GRIK3: variants seen among roughly 807,000 people sequenced by gnomAD.
The protein encoded by GRIK3 is glutamate ionotropic receptor kainate type subunit 3.
A neutral mutation model predicts 102.5 loss-of-function variants in GRIK3; 29 were observed. The observed-to-expected ratio is 0.28, with a 90% CI of 0.21 to 0.39. GRIK3 has a LOEUF of 0.39. Ranked by LOEUF, GRIK3 falls within the 10% of genes least tolerant of loss-of-function variation. GRIK3 has a pLI of 1.00. For missense variants in GRIK3, 908 were observed against 1,252.4 expected (o/e 0.73, Z 4.15); for synonymous variants, 511 against 504.9 (o/e 1.01, Z -0.16).
At chr1:36,922,512 C>T (rs1002261583) in intron 1 of GRIK3, among the ~76,000 whole-genome samples, 2 of 152,204 alleles carry the variant, frequency 1.3e-5, no homozygotes, top group African/African-American at 4.8e-5. Flanking sequence ...GCCACCCTTC[C>T]CCTCAGGACT....
At position 37,021,531 on chromosome 1, in the gene GRIK3, A is replaced by C. The variant is rs550142185; in HGVS notation, c.115+12463T>G. Among the ~76,000 whole-genome samples the C allele has an allele frequency of 2.6e-5, 4 of 152,340 alleles. No homozygotes were observed. In the South Asian group the frequency reaches 8.3e-4, roughly 32 times the overall value. On this transcript the variant is annotated intron_variant, in intron 1 of 15. Coordinates refer to ENST00000373091, the MANE Select transcript of GRIK3 (RefSeq NM_000831.4). ...AACTCTCCCCCAGCCCACAGTCCCC[A>C]TAGACCAGCCATAATTCAGCTAAAC...
intron 3 of GRIK3, among the ~76,000 whole-genome samples, chr1:36,878,718 C>T (rs1439438369): frequency 5.9e-5 from 9 of 152,214 alleles, no homozygotes; most frequent in Admixed American, 2.0e-4. Context: ...CTCAAACAGG[C>T]CTGTAGGTGC....
At chr1:36,919,422 C>T (rs920266782) in intron 1 of GRIK3, among the ~76,000 whole-genome samples, 3 of 150,694 alleles carry the variant, frequency 2.0e-5, no homozygotes, top group Non-Finnish European at 4.4e-5. Flanking sequence ...GCACAATGTG[C>T]AGGTTAGTTA....
chr1:37,011,502 A>G (rs1642595613), intron 1 of GRIK3, among the ~76,000 whole-genome samples: 1 of 152,208 alleles, frequency 6.6e-6, no homozygotes, highest in Non-Finnish European at 1.5e-5. Flanking sequence ...GAGAAACTCA[A>G]GCACAGAGAG....
chr1:36,953,598 T>C (rs1641869862), intron 1 of GRIK3, among the ~76,000 whole-genome samples: 1 of 151,896 alleles, frequency 6.6e-6, no homozygotes, highest in Non-Finnish European at 1.5e-5. Flanking sequence ...GGCTTGGGTA[T>C]GCTTAGGTGG....
At chr1:36,810,401 C>T (rs959733108) in intron 13 of GRIK3, among the ~76,000 whole-genome samples, 9 of 152,226 alleles carry the variant, frequency 5.9e-5, no homozygotes, top group African/African-American at 1.7e-4. Context: ...ACAACCAATA[C>T]ACGGCGGTGT....
In GRIK3 at chr1:36,898,471, C is replaced by A. The variant is rs76697975; in HGVS notation, c.116-7375G>T. Among the ~76,000 whole-genome samples the A allele has an allele frequency of 8.2e-3, 1,245 of 151,818 alleles. 13 individuals are homozygous for A. Among genetic ancestry groups the A allele is most frequent in the African/African-American group, 0.028 (1,161 of 41,400 alleles). On this transcript the variant is annotated intron_variant, in intron 1 of 15. Coordinates refer to ENST00000373091, the MANE Select transcript of GRIK3 (RefSeq NM_000831.4). ...ATAAATATATACATCTATTATGTAC[C>A]CACAAAAAATAAAATTTAAAATGTA...
chr1:37,014,633 G>A (rs1642632780), intron 1 of GRIK3, among the ~76,000 whole-genome samples: 1 of 152,200 alleles, frequency 6.6e-6, no homozygotes, highest in East Asian at 1.9e-4. Context: ...TCCAATAGAA[G>A]ATAAACCACA....
At chr1:36,955,734 A>G (rs1167606531) in intron 1 of GRIK3, among the ~76,000 whole-genome samples, 1 of 152,212 alleles carries the variant, frequency 6.6e-6, no homozygotes, top group Non-Finnish European at 1.5e-5. Flanking sequence ...CAAAGACACA[A>G]CCAGCACACC....
intron 1 of GRIK3, among the ~76,000 whole-genome samples, chr1:36,893,787 A>G (rs141496178): frequency 2.0e-5 from 3 of 152,328 alleles, no homozygotes; most frequent in African/African-American, 7.2e-5. Flanking sequence ...ACTATTGTCT[A>G]TGTATTTACA....
At chr1:36,844,758 A>C (rs1190778789) in intron 9 of GRIK3, among the ~76,000 whole-genome samples, 1 of 152,180 alleles carries the variant, frequency 6.6e-6, no homozygotes, top group African/African-American at 2.4e-5. Flanking sequence ...TATTATTATT[A>C]ATCATTATCA....
At chr1:36,910,217 A>T (rs1342674877) in intron 1 of GRIK3, among the ~76,000 whole-genome samples, 3 of 152,202 alleles carry the variant, frequency 2.0e-5, no homozygotes, top group Admixed American at 2.0e-4. Context: ...GAAGACATTC[A>T]CGCTCCCAGC....
intron 1 of GRIK3, among the ~76,000 whole-genome samples, chr1:37,005,181 T>G (rs1227066537): frequency 6.6e-6 from 1 of 152,216 alleles, no homozygotes; most frequent in South Asian, 2.1e-4. Flanking sequence ...GCCTCCCTGA[T>G]GGCCCTGCTT....
intron 9 of GRIK3, among the ~76,000 whole-genome samples, chr1:36,845,029 G>A (rs570582): frequency 0.011 from 1,618 of 152,290 alleles, 27 homozygotes; most frequent in African/African-American, 0.036. Context: ...TGCCTTCAGA[G>A]CAGCTGTAAA....
rs1642367840 is a variant in GRIK3, at chr1:36,796,620, G to A, written c.*5231C>T. On this transcript the variant is annotated 3_prime_UTR_variant, in exon 16 of 16. Coordinates refer to ENST00000373091, the MANE Select transcript of GRIK3 (RefSeq NM_000831.4). ...AGGACAGGATCAGTAACAGGGGCAT[G>A]GGAACACTGTATCGGCATGCTGGCC... 1 of 152,294 alleles carries A rather than the reference G, an allele frequency of 6.6e-6. No individual in the cohort carries two copies. Among genetic ancestry groups the A allele is most frequent in the Admixed American group, 6.5e-5 (1 of 15,290 alleles). The allele number at this position is 152,294 out of a possible 1,614,324, so 9.4% of individuals were successfully genotyped here.
At chr1:36,984,072 G>GCA (rs1442379467) in intron 1 of GRIK3, among the ~76,000 whole-genome samples, 3 of 151,642 alleles carry the variant, frequency 2.0e-5, no homozygotes, top group African/African-American at 7.3e-5. Context: ...TTCCACACTC[G>GCA]CACACACAGG....
intron 10 of GRIK3, among the ~76,000 whole-genome samples, chr1:36,839,288 G>T (rs942351638): frequency 8.5e-5 from 13 of 152,136 alleles, no homozygotes; most frequent in Admixed American, 5.2e-4. Flanking sequence ...AGATGCCTCT[G>T]GGGCCTGCTG....
At chr1:36,862,933 G>GAT (rs1640743564) in intron 5 of GRIK3, among the ~76,000 whole-genome samples, 1 of 152,160 alleles carries the variant, frequency 6.6e-6, no homozygotes, top group African/African-American at 2.4e-5. Flanking sequence ...AGCCCCCAGG[G>GAT]CAGACATAGG....
intron 1 of GRIK3, among the ~76,000 whole-genome samples, chr1:36,903,481 G>T (rs1270983431): frequency 6.6e-6 from 1 of 152,226 alleles, no homozygotes. Flanking sequence ...TTACACAAAG[G>T]AGTTGAAAAT....
Sources: allele counts gnomAD v4.1 joint callset (sites outside exome capture counted in the v4.1 genomes callset), GRCh38; gene constraint gnomAD v4.1.1; transcripts MANE v1.5; gene names NCBI Gene and HGNC (gene_info 2026-07-23, HGNC 2026-07-21).